The following SIPA1L3 variants were observed in gnomAD, a reference collection of about 807,000 sequenced individuals.
SIPA1L3 encodes signal-induced proliferation-associated 1-like protein 3.
In SIPA1L3, 59 loss-of-function variants were observed where a neutral mutation model predicts 150.1. The ratio of observed to expected loss-of-function variants is 0.39; its 90% CI spans 0.32 to 0.49. The LOEUF (loss-of-function observed/expected upper bound fraction) is 0.49. Among genes scored for constraint, SIPA1L3 ranks in the 20% least tolerant of loss-of-function variants. The pLI, the probability that SIPA1L3 is intolerant of heterozygous loss-of-function variation, is 0.86. For synonymous variants in SIPA1L3, 1,070 were observed against 1,077.6 expected, an observed-to-expected ratio of 0.99 and a Z score of 0.14; for missense variants, 2,211 against 2,489.5, an observed-to-expected ratio of 0.89 and a Z score of 2.38.
chr19:38,123,367 C>G (rs1338102471), intron 9 of SIPA1L3, among the ~76,000 whole-genome samples: 2 of 148,380 alleles, frequency 1.3e-5, no homozygotes, highest in African/African-American at 5.0e-5. Flanking sequence ...AGCAGATAAA[C>G]AAGTGAACAA....
chr19:38,072,451 A>C (rs538050947), intron 2 of SIPA1L3, among the ~76,000 whole-genome samples: 1 of 152,348 alleles, frequency 6.6e-6, no homozygotes, highest in South Asian at 2.1e-4. Flanking sequence ...GTCCAACTTG[A>C]TGCAGAGACT....
intron 1 of SIPA1L3, among the ~76,000 whole-genome samples, chr19:37,924,484 A>C (rs4803566): frequency 0.82 from 122,205 of 148,694 alleles, 50,798 homozygotes; most frequent in African/African-American, 0.94. Flanking sequence ...ATATATACAG[A>C]CTGGCCAACA....
intron 1 of SIPA1L3, among the ~76,000 whole-genome samples, chr19:37,946,027 C>T (rs749585839): frequency 2.6e-5 from 4 of 152,036 alleles, no homozygotes; most frequent in South Asian, 2.1e-4. Context: ...TGGTGGCAAG[C>T]GCCTGTAATC....
chr19:37,991,092 C>T (rs947853257), intron 1 of SIPA1L3, among the ~76,000 whole-genome samples: 11 of 152,014 alleles, frequency 7.2e-5, no homozygotes, highest in Admixed American at 2.0e-4. Flanking sequence ...ATCAGCAGGG[C>T]GTAGTGGCAC....
chr19:38,081,941 C>G lies in SIPA1L3; in HGVS notation c.376C>G (p.Pro126Ala), dbSNP rs1250068626. ...SMRSIQNGQP[P>A]TSTPASSGSK... The stretch of plus-strand genomic sequence containing the variant: ...GAGGAGCATACAGAACGGACAGCCC[C>G]CCACCAGCACCCCGGCTTCCTCAGG... The change falls in exon 3 of 22, where the codon CCC (proline) becomes GCC (alanine). Residue 126 changes from proline to alanine, a missense_variant. Physicochemically the swap from Pro to Ala is conservative, Grantham distance 27. This residue lies in a region of SIPA1L3 where 587 missense variants were observed against 534.5 expected (regional missense o/e 1.10). Transcript: ENST00000222345. The G allele has an allele frequency of 3.1e-6, 5 of 1,614,152 alleles. No individual in the cohort carries two copies. The highest frequency in any genetic ancestry group is 3.4e-6 in the Non-Finnish European group (4 of 1,179,980).
chr19:37,993,566 A>G (rs1390828841), intron 1 of SIPA1L3, among the ~76,000 whole-genome samples: 3 of 152,136 alleles, frequency 2.0e-5, no homozygotes, highest in Non-Finnish European at 2.9e-5. Context: ...AAACCATCCT[A>G]GAAAGCATCA....
Position 38,182,535 on chromosome 19 carries a change from G to A in SIPA1L3, c.4225G>A (p.Val1409Ile). ...PRQPSDMGSRVGYPAQVYKTA... is the reference protein window; with the variant it reads ...PRQPSDMGSRIGYPAQVYKTA... ...GCTTTGCAGTGACATGGGCTCGAGG[G>A]TTGGCTACCCCGCTCAGGTTTACAA... Residue 1409 changes from valine to isoleucine, a missense_variant, in exon 16 of 22, where the codon GTT (valine) becomes ATT (isoleucine). Transcript: ENST00000222345. The A allele has an allele frequency of 2.5e-6, 4 of 1,609,596 alleles. No homozygotes were observed. Among genetic ancestry groups the A allele is most frequent in the Non-Finnish European group, 3.4e-6 (4 of 1,177,552 alleles).
chr19:38,109,825 AAGTAATGGGGAC>A (rs1465272110), intron 7 of SIPA1L3: 31 of 179,760 alleles, frequency 1.7e-4, no homozygotes, highest in Non-Finnish European at 2.4e-4. Context: ...AATAAGTGTT[AAGTAATGGGGAC>A]AGAAAAGCAA....
At chr19:37,939,528 C>T (rs2046633779) in intron 1 of SIPA1L3, among the ~76,000 whole-genome samples, 2 of 152,140 alleles carry the variant, frequency 1.3e-5, no homozygotes, top group South Asian at 4.1e-4. Context: ...GACAGGCGAG[C>T]CTGTGTTCTC....
chr19:37,979,221 G>A (rs1054367054), intron 1 of SIPA1L3, among the ~76,000 whole-genome samples: 1 of 151,934 alleles, frequency 6.6e-6, no homozygotes, highest in East Asian at 1.9e-4. Context: ...TTAAAAAAAA[G>A]TTAACACTAT....
At chr19:37,969,124 C>G (rs1324759009) in intron 1 of SIPA1L3, among the ~76,000 whole-genome samples, 1 of 152,150 alleles carries the variant, frequency 6.6e-6, no homozygotes, top group African/African-American at 2.4e-5. Context: ...GTTTCAGCTA[C>G]TAGGGAGGCT....
chr19:37,935,423 A>G (rs2046591750), intron 1 of SIPA1L3, among the ~76,000 whole-genome samples: 1 of 152,200 alleles, frequency 6.6e-6, no homozygotes. Flanking sequence ...GGAAACTTGT[A>G]CAGCGTTGTA....
chr19:38,182,764 G>A (rs1394117347), intron 16 of SIPA1L3, 24 bp downstream of exon 16: 1 of 1,583,518 alleles, frequency 6.3e-7, no homozygotes, highest in Non-Finnish European at 8.6e-7. Flanking sequence ...CGTCCAGCGA[G>A]GCGCCCGCCA....
At chr19:38,107,884 T>C (rs1970656461) in intron 7 of SIPA1L3, among the ~76,000 whole-genome samples, 1 of 151,682 alleles carries the variant, frequency 6.6e-6, no homozygotes, top group Admixed American at 6.6e-5. Flanking sequence ...AGCTGAGGCA[T>C]GAGAATTGCT....
intron 16 of SIPA1L3, among the ~76,000 whole-genome samples, chr19:38,190,739 C>G (rs1197540881): frequency 6.6e-6 from 1 of 152,212 alleles, no homozygotes; most frequent in African/African-American, 2.4e-5. Flanking sequence ...AATTCAGACA[C>G]TTCAGAAGAA....
At chr19:37,953,839 C>T (rs1340514287) in intron 1 of SIPA1L3, among the ~76,000 whole-genome samples, 1 of 152,166 alleles carries the variant, frequency 6.6e-6, no homozygotes, top group African/African-American at 2.4e-5. Context: ...ACAGCTCAGC[C>T]ACCAGGAATT....
chr19:38,156,718 A>G (rs1200759773), intron 13 of SIPA1L3, among the ~76,000 whole-genome samples: 3 of 152,106 alleles, frequency 2.0e-5, no homozygotes, highest in Non-Finnish European at 2.9e-5. Context: ...CCAGCTACTC[A>G]GGAGGCTGAG....
chr19:38,198,280 G>A (rs1206778866), intron 18 of SIPA1L3, 109 bp from the exon 19 acceptor site: 33 of 1,283,952 alleles, frequency 2.6e-5, no homozygotes, highest in Non-Finnish European at 3.3e-5. Context: ...CCTGCTGGAG[G>A]TTTTCCTGGG....
Position 38,040,821 on chromosome 19 carries a change from C to T in SIPA1L3, c.-311+11665C>T, listed in dbSNP as rs1258100837. 2.0e-5 allele frequency among the ~76,000 whole-genome samples: 3 copies of T among 152,194 alleles called. No individual in the cohort carries two copies. In the East Asian group the frequency reaches 5.8e-4, roughly 29 times the overall value. ...AGTCGCCCAGGCTGGAGTGCAGTGG[C>T]TCAATCTCCGCTCACTGCAAGCTCC... On this transcript the variant is annotated intron_variant, in intron 2 of 21. Coordinates refer to ENST00000222345, the MANE Select transcript of SIPA1L3 (RefSeq NM_015073.3).
Sources: allele counts gnomAD v4.1 joint callset (sites outside exome capture counted in the v4.1 genomes callset), GRCh38; gene constraint gnomAD v4.1.1; regional missense constraint gnomAD v4.1.1; transcripts MANE v1.5; gene names NCBI Gene and HGNC (gene_info 2026-07-23, HGNC 2026-07-21).